Variants in RNPEP observed in about 807,000 individuals in gnomAD.
RNPEP encodes the protein arginyl aminopeptidase, also known as aminopeptidase B.
Under a neutral mutation model 70.1 loss-of-function variants are expected in RNPEP, and 57 were observed. That is an observed-to-expected ratio of 0.81 (90% CI 0.66 to 1.01). The LOEUF is 1.01. RNPEP is among the 50% of genes least tolerant of loss of function. The pLI is 0.00. For missense variants in RNPEP, 787 were observed against 852.4 expected (o/e 0.92, Z 0.96); for synonymous variants, 335 against 357.4 (o/e 0.94, Z 0.71).
chr1:201,996,838 GT>G lies in RNPEP; in HGVS notation c.855-478del, dbSNP rs538303721. On this transcript the variant is annotated intron_variant, in intron 4 of 10. Coordinates refer to ENST00000295640, the MANE Select transcript of RNPEP (RefSeq NM_020216.4). ...TCAAAATGTGACCTGCAGTTGCCAA[GT>G]TTGAGATGGGGCAGCACCGTCAAGG... is the stretch of plus-strand genomic sequence containing the variant. Among the ~76,000 whole-genome samples the G allele has an allele frequency of 1.4e-4, 22 of 152,262 alleles. No homozygotes were observed. The East Asian group carries it at 4.1e-3, about 28-fold the overall frequency.
In RNPEP at chr1:201,996,177, T is replaced by C. The variant is rs1047252383; in HGVS notation, c.768T>C (p.Ile256=). Residue 256 remains isoleucine (I), a synonymous_variant, in exon 4 of 11, where the codon ATT becomes ATC. Coordinates refer to ENST00000295640, the MANE Select transcript of RNPEP (RefSeq NM_020216.4). ...GGGTGTGGGCTGAGCCCTGCCTGAT[T>C]GATGCTGCCAAGGAGGAGTACAACG... ...RSRVWAEPCL[I]DAAKEEYNGV... 2 of 1,614,090 alleles carry C rather than the reference T, an allele frequency of 1.2e-6. No homozygotes were observed. The highest frequency in any genetic ancestry group is 1.7e-5 in the Admixed American group (1 of 59,998).
At chr1:201,995,185 T>A (rs1296582053) in intron 3 of RNPEP, among the ~76,000 whole-genome samples, 1 of 152,152 alleles carries the variant, frequency 6.6e-6, no homozygotes, top group Non-Finnish European at 1.5e-5. Flanking sequence ...TTCAAATATT[T>A]AGAAAATTGA....
In RNPEP at chr1:201,997,463, G is replaced by T. The variant is rs1211836597; in HGVS notation, c.999G>T (p.Gly333=). 1 of 1,614,106 alleles carries T rather than the reference G, an allele frequency of 6.2e-7. No homozygotes were observed. Among genetic ancestry groups the T allele is most frequent in the South Asian group, 1.1e-5 (1 of 91,084 alleles). The part of the protein sequence containing the change: ...IIHEISHSWF[G]NLVTNANWGE... ...ATGAGATCTCCCACAGTTGGTTTGGGAACCTGGTCACCAACGCCAACTGGG... is the reference window on the plus strand; with the variant it reads ...ATGAGATCTCCCACAGTTGGTTTGGTAACCTGGTCACCAACGCCAACTGGG... The change falls in exon 5 of 11, where the codon GGG becomes GGT. Residue 333 remains glycine, a synonymous_variant. Transcript: ENST00000295640.
chr1:201,992,819 A>C (rs1683391193), intron 3 of RNPEP, among the ~76,000 whole-genome samples: 1 of 152,178 alleles, frequency 6.6e-6, no homozygotes, highest in Admixed American at 6.5e-5. Flanking sequence ...CACCTTTCTC[A>C]ATTCTTCGTG....
chr1:201,995,254 T>C (rs768997069), intron 3 of RNPEP, among the ~76,000 whole-genome samples: 1 of 152,182 alleles, frequency 6.6e-6, no homozygotes, highest in Non-Finnish European at 1.5e-5. Flanking sequence ...GTTTTATGAG[T>C]GGATTTGTTT....
intron 5 of RNPEP, among the ~76,000 whole-genome samples, chr1:201,999,135 T>C (rs28419585): frequency 0.29 from 43,461 of 151,474 alleles, 6,587 homozygotes; most frequent in South Asian, 0.51. Flanking sequence ...GAGAATTGCT[T>C]GAATCCAGGA....
At chr1:201,995,452 G>T (rs1683511088) in intron 3 of RNPEP, among the ~76,000 whole-genome samples, 1 of 152,204 alleles carries the variant, frequency 6.6e-6, no homozygotes, top group African/African-American at 2.4e-5. Context: ...AGAGGCTGAG[G>T]CAGGTGAATC....
At position 202,001,712 on chromosome 1, in the gene RNPEP, C is replaced by T; in HGVS notation, c.1371C>T (p.Asp457=). 6.2e-7 allele frequency: 1 copy of T among 1,613,682 alleles called. No homozygotes were observed. The highest frequency in any genetic ancestry group is 8.5e-7 in the Non-Finnish European group (1 of 1,179,604). ...FRSILADDFL[D]FYLEYFPELK... Reference sequence around the variant, plus strand: ...GCATCTTAGCCGATGACTTTCTGGACTTCTACTTGGAATATTTCCCTGAGC... The same window carrying T: ...GCATCTTAGCCGATGACTTTCTGGATTTCTACTTGGAATATTTCCCTGAGC... The change falls in exon 8 of 11, where the codon GAC becomes GAT. Residue 457 remains aspartate (D), a synonymous_variant. Coordinates refer to ENST00000295640, the MANE Select transcript of RNPEP (RefSeq NM_020216.4).
intron 4 of RNPEP, 62 bp downstream of exon 4, chr1:201,996,325 C>G: frequency 8.4e-7 from 1 of 1,191,058 alleles, no homozygotes; most frequent in South Asian, 1.2e-5. Context: ...TCCATTCTTC[C>G]TCTTCGTGTG....
rs1281464636 is a variant in RNPEP, at chr1:202,005,727, G to C, written c.*11G>C. ...CCCAAGGGCAGTTAGAGGCTCGTGTGCATGGCCCCTGCCTCTTCAGGCTCT... is the reference window on the plus strand; with the variant it reads ...CCCAAGGGCAGTTAGAGGCTCGTGTCCATGGCCCCTGCCTCTTCAGGCTCT... On this transcript the variant is annotated 3_prime_UTR_variant, in exon 11 of 11. Coordinates refer to ENST00000295640, the MANE Select transcript of RNPEP (RefSeq NM_020216.4). The C allele has an allele frequency of 6.2e-7, 1 of 1,613,600 alleles. No homozygotes were observed. Among genetic ancestry groups the C allele is most frequent in the Non-Finnish European group, 8.5e-7 (1 of 1,179,624 alleles).
chr1:201,986,539 T>TCTTTC (rs55711441), intron 1 of RNPEP, among the ~76,000 whole-genome samples: 79 of 132,490 alleles, frequency 6.0e-4, no homozygotes, highest in African/African-American at 1.8e-3. Context: ...TTTCTTTCTT[T>TCTTTC]TTTTTTTTTT....
intron 1 of RNPEP, among the ~76,000 whole-genome samples, chr1:201,984,516 GT>G: frequency 6.6e-6 from 1 of 152,274 alleles, no homozygotes; most frequent in South Asian, 2.1e-4. Context: ...CCCAGGTTGA[GT>G]TTTCTTTAGT....
At chr1:201,996,072 A>G in intron 3 of RNPEP, 75 bp from the exon 4 acceptor site, 1 of 1,215,924 alleles carries the variant, frequency 8.2e-7, no homozygotes, top group Non-Finnish European at 1.2e-6. Context: ...CCAATTTCCT[A>G]CAGGTGCTTT....
At chr1:201,999,041 C>T (rs912017355) in intron 5 of RNPEP, among the ~76,000 whole-genome samples, 1 of 151,954 alleles carries the variant, frequency 6.6e-6, no homozygotes, top group African/African-American at 2.4e-5. Flanking sequence ...AATGGTGAAA[C>T]CCCCGTCTCT....
At chr1:201,996,019 C>T (rs969083222) in intron 3 of RNPEP, 128 bp from the exon 4 acceptor site, 45 of 682,714 alleles carry the variant, frequency 6.6e-5, no homozygotes, top group African/African-American at 4.5e-4. Context: ...TCTTGCACTC[C>T]GTCACTGTGG....
chr1:201,992,827 G>A (rs550334023), intron 3 of RNPEP, among the ~76,000 whole-genome samples: 9 of 152,250 alleles, frequency 5.9e-5, no homozygotes, highest in East Asian at 1.9e-4. Flanking sequence ...TCAATTCTTC[G>A]TGAAAAGTTG....
intron 9 of RNPEP, among the ~76,000 whole-genome samples, chr1:202,003,757 C>CA (rs1683934032): frequency 6.6e-6 from 1 of 152,210 alleles, no homozygotes; most frequent in African/African-American, 2.4e-5. Flanking sequence ...GAAGCTCCTG[C>CA]AGGCGACTCT....
intron 9 of RNPEP, among the ~76,000 whole-genome samples, chr1:202,003,689 G>A (rs1384431246): frequency 2.0e-5 from 3 of 152,084 alleles, no homozygotes; most frequent in African/African-American, 7.2e-5. Context: ...GGAGGTTATG[G>A]GTTCTACTTA....
intron 8 of RNPEP, 135 bp downstream of exon 8, chr1:202,001,902 C>T (rs986091285): frequency 2.2e-5 from 14 of 634,594 alleles, no homozygotes; most frequent in Non-Finnish European, 3.9e-5. Context: ...GGGAAGCAAA[C>T]CCAGAATCCT....
Sources: gnomAD v4.1 joint callset for allele counts (sites outside exome capture counted in the v4.1 genomes callset) on GRCh38, gnomAD v4.1.1 for gene constraint, MANE v1.5 for transcripts, NCBI Gene and HGNC (gene_info 2026-07-23, HGNC 2026-07-21) for gene names.